The following NPAS3 variants were observed in gnomAD, a reference collection of about 807,000 sequenced individuals.
NPAS3 encodes neuronal PAS domain-containing protein 3.
In NPAS3, 14 loss-of-function variants were observed where a neutral mutation model predicts 73.1. The ratio of observed to expected loss-of-function variants is 0.19; its 90% CI spans 0.13 to 0.30. NPAS3 has a LOEUF of 0.30. Ranked by LOEUF, NPAS3 falls within the 10% of genes least tolerant of loss-of-function variation. The probability of loss-of-function intolerance (pLI) is 1.00; values close to 1 mark genes in which losing one functional copy is unlikely to be tolerated. For missense variants in NPAS3, 1,096 were observed against 1,250.0 expected (o/e 0.88, Z 1.86); for synonymous variants, 620 against 541.5 (o/e 1.14, Z -2.01).
chr14:33,441,212 TATA>T (rs971341179), intron 4 of NPAS3, among the ~76,000 whole-genome samples: 3 of 152,230 alleles, frequency 2.0e-5, no homozygotes, highest in Non-Finnish European at 2.9e-5. Context: ...TTTTAAGAAA[TATA>T]ATATGCAGAT....
intron 3 of NPAS3, among the ~76,000 whole-genome samples, chr14:33,241,560 CA>C (rs1442956411): frequency 1.4e-4 from 22 of 152,028 alleles, no homozygotes; most frequent in African/African-American, 5.1e-4. Flanking sequence ...GCATGAAGCT[CA>C]AATAAAGTGA....
intron 2 of NPAS3, among the ~76,000 whole-genome samples, chr14:33,124,325 G>T (rs2043347956): frequency 6.6e-6 from 1 of 152,066 alleles, no homozygotes; most frequent in African/African-American, 2.4e-5. Flanking sequence ...CATTGTAGAG[G>T]CAGCGTAGCA....
intron 4 of NPAS3, among the ~76,000 whole-genome samples, chr14:33,411,570 C>T (rs1364664300): frequency 6.6e-6 from 1 of 152,188 alleles, no homozygotes; most frequent in Non-Finnish European, 1.5e-5. Flanking sequence ...TCCTCCAGTG[C>T]ACAGGACAGC....
chr14:33,586,865 G>A (rs539379918), intron 5 of NPAS3, among the ~76,000 whole-genome samples: 18 of 152,230 alleles, frequency 1.2e-4, no homozygotes, highest in African/African-American at 3.9e-4. Context: ...CATGCAACTC[G>A]AGAAATGCTA....
At chr14:33,119,645 A>G (rs996929312) in intron 2 of NPAS3, among the ~76,000 whole-genome samples, 3 of 152,216 alleles carry the variant, frequency 2.0e-5, no homozygotes, top group Middle Eastern at 3.4e-3. Context: ...ACCTCACACC[A>G]TCTGTGTCAC....
At chr14:33,250,836 C>A (rs1804425278) in intron 3 of NPAS3, among the ~76,000 whole-genome samples, 1 of 152,022 alleles carries the variant, frequency 6.6e-6, no homozygotes, top group African/African-American at 2.4e-5. Flanking sequence ...TCCAAAAATT[C>A]ATGTGCATAC....
intron 4 of NPAS3, among the ~76,000 whole-genome samples, chr14:33,472,921 G>A (rs1390059498): frequency 6.6e-6 from 1 of 150,856 alleles, no homozygotes; most frequent in African/African-American, 2.5e-5. Flanking sequence ...GAGATAGAAT[G>A]CGGATGGAAA....
At chr14:33,778,558 A>G (rs2062889305) in exon 9 of NPAS3, 1 of 1,612,732 alleles carries the variant, frequency 6.2e-7, no homozygotes, top group Non-Finnish European at 8.5e-7. Context: ...GGCATCAGGC[A>G]CAGTCACTTG....
intron 1 of NPAS3, among the ~76,000 whole-genome samples, chr14:33,020,908 G>A (rs775002951): frequency 3.3e-5 from 5 of 152,012 alleles, no homozygotes; most frequent in Admixed American, 2.0e-4. Flanking sequence ...TTACAGGTGC[G>A]TGCCACCACG....
At chr14:33,003,306 A>G (rs1210229074) in intron 1 of NPAS3, among the ~76,000 whole-genome samples, 1 of 152,106 alleles carries the variant, frequency 6.6e-6, no homozygotes, top group Non-Finnish European at 1.5e-5. Flanking sequence ...GATAAAAAAA[A>G]AAATAAGCCC....
chr14:33,800,165 G>A lies in NPAS3; in HGVS notation c.1858G>A (p.Ala620Thr), dbSNP rs763025424. 1 of 1,605,690 alleles carries A rather than the reference G, an allele frequency of 6.2e-7. No individual in the cohort carries two copies. The highest frequency in any genetic ancestry group is 1.7e-5 in the Admixed American group (1 of 59,018). Reference sequence around the variant, plus strand: ...CGCCAGCCGCCGGCGCCTGTCCAGCGCGTCGAGCCCAGGCGGCCTGGACGC... The same window carrying A: ...CGCCAGCCGCCGGCGCCTGTCCAGCACGTCGAGCCCAGGCGGCCTGGACGC... The change falls in exon 12 of 12, where the codon GCG becomes ACG. Residue 620 changes from alanine (A) to threonine (T), a missense_variant. This residue lies in a region of NPAS3 where 698 missense variants were observed against 676.7 expected (regional missense o/e 1.03). Transcript: ENST00000356141. This position sits in a 1 kb window ranked among gnomAD's most constrained non-coding sequence, Gnocchi z 6.5.
intron 4 of NPAS3, among the ~76,000 whole-genome samples, chr14:33,437,597 C>A (rs1467044602): frequency 6.6e-6 from 1 of 151,692 alleles, no homozygotes; most frequent in Non-Finnish European, 1.5e-5. Context: ...GAATAAATAG[C>A]CCTTCCTTTT....
chr14:33,175,383 T>G (rs1408968569), intron 2 of NPAS3, among the ~76,000 whole-genome samples: 1 of 152,208 alleles, frequency 6.6e-6, no homozygotes, highest in Non-Finnish European at 1.5e-5. Context: ...CTCCATTTCC[T>G]CAATGTTATA....
intron 7 of NPAS3, among the ~76,000 whole-genome samples, chr14:33,750,499 G>A (rs1486726454): frequency 1.3e-5 from 2 of 152,168 alleles, no homozygotes; most frequent in Non-Finnish European, 2.9e-5. Flanking sequence ...GTTTTAGAAT[G>A]TAGTTTTTTT....
chr14:33,043,892 C>T (rs1275528825), intron 1 of NPAS3, among the ~76,000 whole-genome samples: 2 of 151,942 alleles, frequency 1.3e-5, no homozygotes, highest in Non-Finnish European at 1.5e-5. Flanking sequence ...ATTTGCATAT[C>T]CAAAGGAATA....
intron 10 of NPAS3, 35 bp from the exon 11 acceptor site, chr14:33,797,422 T>C (rs2063543482): frequency 1.2e-6 from 2 of 1,608,784 alleles, no homozygotes; most frequent in South Asian, 2.2e-5. Context: ...GCAGAATGGG[T>C]GTCTGCACTC....
chr14:33,762,678 A>G (rs2062332378), intron 7 of NPAS3, among the ~76,000 whole-genome samples: 1 of 152,174 alleles, frequency 6.6e-6, no homozygotes, highest in Non-Finnish European at 1.5e-5. Flanking sequence ...CCACACCCTC[A>G]TCTATTTAAA....
chr14:33,797,430 C>A, intron 10 of NPAS3, 27 bp from the exon 11 acceptor site: 1 of 1,613,256 alleles, frequency 6.2e-7, no homozygotes, highest in Non-Finnish European at 8.5e-7. Flanking sequence ...GGTGTCTGCA[C>A]TCCTGACCAG....
At chr14:33,142,739 A>T (rs979641053) in intron 2 of NPAS3, among the ~76,000 whole-genome samples, 9 of 152,246 alleles carry the variant, frequency 5.9e-5, no homozygotes, top group Non-Finnish European at 1.2e-4. Flanking sequence ...ATTGAGGAAT[A>T]TGACACATAT....
Sources: allele counts gnomAD v4.1 joint callset (sites outside exome capture counted in the v4.1 genomes callset), GRCh38; gene constraint gnomAD v4.1.1; regional missense constraint gnomAD v4.1.1; non-coding constraint Gnocchi (gnomAD v3.1); transcripts MANE v1.5; gene names NCBI Gene and HGNC (gene_info 2026-07-23, HGNC 2026-07-21).